CCDC122: variants seen among roughly 807,000 people sequenced by gnomAD.
CCDC122 encodes coiled-coil domain-containing protein 122.
In CCDC122, 38 loss-of-function variants were observed where a neutral mutation model predicts 37.0. The ratio of observed to expected loss-of-function variants is 1.03; its 90% confidence interval spans 0.79 to 1.35. CCDC122 has a LOEUF of 1.35. CCDC122 is among the 40% of genes most tolerant of loss of function. CCDC122 has a pLI of 0.00. For synonymous variants in CCDC122, 83 were observed against 95.6 expected (o/e 0.87, Z 0.77); for missense variants, 305 against 310.0 (o/e 0.98, Z 0.12).
chr13:43,865,693 G>A (rs773046208), intron 4 of CCDC122, among the ~76,000 whole-genome samples: 34 of 152,030 alleles, frequency 2.2e-4, no homozygotes, highest in Non-Finnish European at 4.3e-4. Flanking sequence ...TCGAACTCCC[G>A]ACCTCAAGTT....
At chr13:43,856,554 TG>T in intron 6 of CCDC122, 1 of 165,146 alleles carries the variant, frequency 6.1e-6, no homozygotes, top group Non-Finnish European at 1.3e-5. Context: ...GGCGTGAACC[TG>T]GGAGGCAGAG....
chr13:43,835,476 A>T (rs1953139648), downstream of CCDC122, among the ~76,000 whole-genome samples: 1 of 152,168 alleles, frequency 6.6e-6, no homozygotes, highest in Non-Finnish European at 1.5e-5. Flanking sequence ...AAGAAAGAAC[A>T]AGGAGAAAAA....
downstream of CCDC122, among the ~76,000 whole-genome samples, chr13:43,832,918 C>T (rs1212864186): frequency 6.6e-6 from 1 of 152,114 alleles, no homozygotes; most frequent in Non-Finnish European, 1.5e-5. Flanking sequence ...AATTGTCAAA[C>T]AGGGCACAGC....
At chr13:43,856,227 A>G (rs1374058044) in intron 6 of CCDC122, 2 of 152,238 alleles carry the variant, frequency 1.3e-5, no homozygotes, top group African/African-American at 4.8e-5. Context: ...ATCAGGAAAA[A>G]TAACTAATGG....
chr13:43,855,775 G>T (rs980686001), intron 6 of CCDC122: 2 of 152,108 alleles, frequency 1.3e-5, no homozygotes, highest in Non-Finnish European at 2.9e-5. Flanking sequence ...GTGTAAATTA[G>T]TTCAACCATT....
At chr13:43,868,544 T>C in intron 4 of CCDC122, 150 bp downstream of exon 4, 1 of 433,196 alleles carries the variant, frequency 2.3e-6, no homozygotes, top group Non-Finnish European at 4.0e-6. Context: ...AAAACTGGAA[T>C]AGCCATGTAA....
chr13:43,847,095 T>C (rs1594826623), intron 6 of CCDC122, among the ~76,000 whole-genome samples: 2 of 152,224 alleles, frequency 1.3e-5, no homozygotes, highest in Non-Finnish European at 2.9e-5. Context: ...AGTTGTAGCA[T>C]GGCTAAATAA....
downstream of CCDC122, among the ~76,000 whole-genome samples, chr13:43,835,075 G>T (rs910771579): frequency 6.6e-6 from 1 of 151,902 alleles, no homozygotes; most frequent in Admixed American, 6.6e-5. Flanking sequence ...GTCCAACAAT[G>T]ATAGACTGGA....
At chr13:43,864,603 C>T (rs1954214555) in intron 4 of CCDC122, among the ~76,000 whole-genome samples, 1 of 152,134 alleles carries the variant, frequency 6.6e-6, no homozygotes, top group Non-Finnish European at 1.5e-5. Flanking sequence ...AGAATGAGAA[C>T]TCCTTTGCTC....
At chr13:43,861,333 A>C (rs1167147366) in intron 4 of CCDC122, among the ~76,000 whole-genome samples, 1 of 152,212 alleles carries the variant, frequency 6.6e-6, no homozygotes, top group Non-Finnish European at 1.5e-5. Context: ...CAAGGGGTGG[A>C]AGTGTGTCCA....
chr13:43,855,786 G>A (rs1242880938), intron 6 of CCDC122: 1 of 152,126 alleles, frequency 6.6e-6, no homozygotes, highest in Non-Finnish European at 1.5e-5. Context: ...TTCAACCATT[G>A]TGGAAGACAG....
intron 6 of CCDC122, among the ~76,000 whole-genome samples, chr13:43,840,862 A>G (rs9533648): frequency 0.081 from 12,223 of 151,522 alleles, 575 homozygotes; most frequent in African/African-American, 0.099. Context: ...ATGTGTCTTT[A>G]TAGCAGCATG....
chr13:43,852,950 TACC>T (rs879909565), intron 6 of CCDC122, among the ~76,000 whole-genome samples: 3 of 152,148 alleles, frequency 2.0e-5, no homozygotes, highest in Non-Finnish European at 2.9e-5. Context: ...GGGAGTTCGT[TACC>T]ACAAGACCTG....
At position 43,859,014 on chromosome 13, in the gene CCDC122, A is replaced by G. The variant is rs1431095600; in HGVS notation, c.556-117T>C. 3 of 789,934 alleles carry G rather than the reference A, an allele frequency of 3.8e-6. No homozygotes were observed. The East Asian group carries it at 1.3e-4, about 33-fold the overall frequency. 48.9% of individuals were successfully genotyped at this position (789,934 alleles called of 1,614,324 possible). On this transcript the variant is annotated intron_variant, in intron 5 of 6. Coordinates refer to ENST00000444614, the MANE Select transcript of CCDC122 (RefSeq NM_144974.5). ...AGCCAAATCAAAATTTAGTTTTGAT[A>G]AATAGCATTAGAATATTACTTCTAT...
chr13:43,852,803 T>C (rs1953784855), intron 6 of CCDC122, among the ~76,000 whole-genome samples: 2 of 151,804 alleles, frequency 1.3e-5, no homozygotes, highest in Non-Finnish European at 2.9e-5. Context: ...GCAGAAACCC[T>C]ACAAGCAGAA....
intron 6 of CCDC122, among the ~76,000 whole-genome samples, chr13:43,843,180 C>T (rs889551151): frequency 2.6e-5 from 4 of 151,846 alleles, no homozygotes; most frequent in Middle Eastern, 3.2e-3. Flanking sequence ...TAATAAATTC[C>T]CTTTATCAAG....
At chr13:43,827,446 C>T (rs1325110897) in intron 3 of CCDC122, among the ~76,000 whole-genome samples, 1 of 152,124 alleles carries the variant, frequency 6.6e-6, no homozygotes, top group Non-Finnish European at 1.5e-5. Context: ...ATGATTTTAA[C>T]CTATTCTAAA....
downstream of CCDC122, among the ~76,000 whole-genome samples, chr13:43,831,372 G>A (rs1358023806): frequency 2.0e-5 from 3 of 152,160 alleles, no homozygotes; most frequent in East Asian, 1.9e-4. Context: ...AATGCAAATT[G>A]TAGGCTTGCT....
At chr13:43,832,585 T>C (rs1162502465), downstream of CCDC122, among the ~76,000 whole-genome samples, 1 of 152,194 alleles carries the variant, frequency 6.6e-6, no homozygotes, top group African/African-American at 2.4e-5. Flanking sequence ...TACCTATGCA[T>C]TTGTGTGCCA....
Sources: gnomAD v4.1 joint callset for allele counts (sites outside exome capture counted in the v4.1 genomes callset) on GRCh38, gnomAD v4.1.1 for gene constraint, MANE v1.5 for transcripts, NCBI Gene and HGNC (gene_info 2026-07-23, HGNC 2026-07-21) for gene names.